The following CBX5 variants were observed in gnomAD, a reference collection of about 807,000 sequenced individuals.
The protein encoded by CBX5 is chromobox 5, also known as chromobox protein homolog 5.
In CBX5, 7 loss-of-function variants were observed where a neutral mutation model predicts 20.7. The ratio of observed to expected loss-of-function variants is 0.34; its 90% CI spans 0.19 to 0.63. The LOEUF (loss-of-function observed/expected upper bound fraction) is 0.63, where lower values mean the gene tolerates loss of function less well. Among genes scored for constraint, CBX5 ranks in the 30% least tolerant of loss-of-function variants. The pLI is 0.75. For synonymous variants in CBX5, 78 were observed against 77.0 expected (o/e 1.01, Z -0.07); for missense variants, 110 against 224.1 (o/e 0.49, Z 3.25).
At position 54,231,964 on chromosome 12, in the gene CBX5, G is replaced by A. The variant is rs1943573457; in HGVS notation, c.*9791C>T. 6.6e-6 allele frequency: 1 copy of A among 152,210 alleles called. No homozygotes were observed. The highest frequency in any genetic ancestry group is 6.5e-5 in the Admixed American group (1 of 15,280). The allele number at this position is 152,210 out of a possible 1,614,324, so 9.4% of individuals were successfully genotyped here. On this transcript the variant is annotated 3_prime_UTR_variant, in exon 5 of 5. Coordinates refer to ENST00000209875, the MANE Select transcript of CBX5 (RefSeq NM_012117.3). ...CCCAGCTGTCCTGGGATTGGTTGGG[G>A]AGTGGTAAGCAATGACATAAATCAA...
At position 54,242,308 on chromosome 12, in the gene CBX5, G is replaced by A. The variant is rs529460242; in HGVS notation, c.426-403C>T. On this transcript the variant is annotated intron_variant, in intron 4 of 4. Transcript: ENST00000209875. ...TGGGAGGCCGAGGCGGGTGGATCACGAGGTCAGGAGATCGAGACCATCCTG... is the reference window on the plus strand; with the variant it reads ...TGGGAGGCCGAGGCGGGTGGATCACAAGGTCAGGAGATCGAGACCATCCTG... Among the ~76,000 whole-genome samples, 133 of 151,466 alleles carry A rather than the reference G, an allele frequency of 8.8e-4. 1 individual carries two copies. Among genetic ancestry groups the A allele is most frequent in the African/African-American group, 3.0e-3 (122 of 41,250 alleles).
rs2137027004 is a variant in CBX5, at chr12:54,265,122, G to A, written c.-42-7430C>T. ...GAGTGGTTGCAGTTGGCCCAGACTT[G>A]CACGATTCCCACTTCTCCTTAAGGC... On this transcript the variant is annotated intron_variant, in intron 1 of 4. Transcript: ENST00000209875. Among the ~76,000 whole-genome samples, 3 of 152,304 alleles carry A rather than the reference G, an allele frequency of 2.0e-5. 1 individual carries two copies. Among genetic ancestry groups the A allele is most frequent in the Admixed American group, 2.0e-4 (3 of 15,296 alleles).
At chr12:54,271,237 C>A (rs572428050) in intron 1 of CBX5, among the ~76,000 whole-genome samples, 1 of 152,132 alleles carries the variant, frequency 6.6e-6, no homozygotes. Context: ...TCAAGTCTTC[C>A]GTTTCCTTAC....
intron 1 of CBX5, among the ~76,000 whole-genome samples, chr12:54,262,365 C>T (rs1943921484): frequency 6.6e-6 from 1 of 152,234 alleles, no homozygotes; most frequent in African/African-American, 2.4e-5. Flanking sequence ...CTCCTTTCCA[C>T]CCTTAAGAAC....
chr12:54,261,322 G>C (rs1217624029), intron 1 of CBX5, among the ~76,000 whole-genome samples: 2 of 151,224 alleles, frequency 1.3e-5, no homozygotes, highest in Non-Finnish European at 2.9e-5. Context: ...TTTTGAGACG[G>C]AGTCTCGCTC....
At chr12:54,246,025 G>A (rs1943732091) in intron 4 of CBX5, 90 bp downstream of exon 4, 1 of 852,276 alleles carries the variant, frequency 1.2e-6, no homozygotes, top group Non-Finnish European at 2.0e-6. Context: ...CATGGTTTGG[G>A]AATATGCAGT....
chr12:54,271,033 G>A (rs1944004355), intron 1 of CBX5, among the ~76,000 whole-genome samples: 1 of 152,204 alleles, frequency 6.6e-6, no homozygotes, highest in African/African-American at 2.4e-5. Context: ...TCCAGCTTGG[G>A]TGACAGAACA....
intron 1 of CBX5, among the ~76,000 whole-genome samples, chr12:54,261,946 C>T (rs1943918605): frequency 1.3e-5 from 2 of 152,266 alleles, no homozygotes; most frequent in Non-Finnish European, 2.9e-5. Flanking sequence ...AATACAACAG[C>T]AGAAGAAAAT....
At chr12:54,279,787 T>C (rs1448054794) in intron 1 of CBX5, among the ~76,000 whole-genome samples, 8 of 152,182 alleles carry the variant, frequency 5.3e-5, no homozygotes, top group African/African-American at 1.9e-4. Flanking sequence ...GCAGACCCAA[T>C]TGGCCTATAC....
At chr12:54,279,727 C>T (rs987154908) in intron 1 of CBX5, among the ~76,000 whole-genome samples, 9 of 152,204 alleles carry the variant, frequency 5.9e-5, no homozygotes, top group Non-Finnish European at 4.4e-5. Context: ...AGGGGAAAAC[C>T]CGTCTCCCAC....
intron 3 of CBX5, 143 bp from the exon 4 acceptor site, chr12:54,246,358 A>C (rs895653694): frequency 3.3e-6 from 2 of 613,784 alleles, no homozygotes; most frequent in Admixed American, 5.8e-5. Context: ...TTAGAACTTA[A>C]TACTAAGTAC....
In CBX5 at chr12:54,238,192, A is replaced by T. The variant is rs773812555; in HGVS notation, c.*3563T>A. ...TGACAGAGCGAGACTCTGTCTAAAA[A>T]AAATAAATAAATAATAGAGGTGAAT... is the stretch of plus-strand genomic sequence containing the variant. On this transcript the variant is annotated 3_prime_UTR_variant, in exon 5 of 5. Transcript: ENST00000209875. 2.6e-5 allele frequency: 4 copies of T among 152,232 alleles called. No homozygotes were observed. Among genetic ancestry groups the T allele is most frequent in the Non-Finnish European group, 4.4e-5 (3 of 68,052 alleles). The allele number at this position is 152,232 out of a possible 1,614,324, so 9.4% of individuals were successfully genotyped here.
chr12:54,276,108 C>T (rs112803844), intron 1 of CBX5, among the ~76,000 whole-genome samples: 6 of 151,810 alleles, frequency 4.0e-5, no homozygotes, highest in African/African-American at 1.2e-4. Context: ...CACTTGCACA[C>T]GACAGTAAAC....
At chr12:54,258,020 C>T (rs1360727321) in intron 1 of CBX5, 3 of 171,962 alleles carry the variant, frequency 1.7e-5, no homozygotes, top group African/African-American at 2.4e-5. Flanking sequence ...GGAACTCAAA[C>T]AGAAATGTGC....
At chr12:54,244,147 G>A (rs1274792817) in intron 4 of CBX5, among the ~76,000 whole-genome samples, 10 of 150,400 alleles carry the variant, frequency 6.6e-5, no homozygotes, top group African/African-American at 1.5e-4. Context: ...GACTACAGGC[G>A]CCTGCCACCA....
Position 54,249,329 on chromosome 12 carries a change from C to T in CBX5, c.324+2712G>A, listed in dbSNP as rs2137014860. 2.0e-5 allele frequency among the ~76,000 whole-genome samples: 3 copies of T among 150,406 alleles called. No individual in the cohort carries two copies. In the South Asian group the frequency reaches 6.3e-4, roughly 31 times the overall value. On this transcript the variant is annotated intron_variant, in intron 3 of 4. Coordinates refer to ENST00000209875, the MANE Select transcript of CBX5 (RefSeq NM_012117.3). ...AGGTTGCAGTGAGATTGTGCCACTG[C>T]ACTCCAGCCTGGGCAACAGAGTGAG... is the stretch of plus-strand genomic sequence containing the variant.
intron 1 of CBX5, among the ~76,000 whole-genome samples, chr12:54,279,695 G>A (rs1202799480): frequency 5.9e-5 from 9 of 152,108 alleles, no homozygotes; most frequent in Non-Finnish European, 1.5e-5. Context: ...CTGCTCACTG[G>A]CTCAGTGAGA....
Position 54,257,663 on chromosome 12 carries a change from TC to T in CBX5, c.-14del, listed in dbSNP as rs764062371. The stretch of plus-strand genomic sequence containing the variant: ...TTTTCTTTCCCATGTCGCACACCGT[TC>T]CACCTGAAAGACTAAGGCCACCAGG... On this transcript the variant is annotated 5_prime_UTR_variant, in exon 2 of 5. Transcript: ENST00000209875. 1 of 1,614,152 alleles carries T rather than the reference TC, an allele frequency of 6.2e-7. No homozygotes were observed. Among genetic ancestry groups the T allele is most frequent in the Non-Finnish European group, 8.5e-7 (1 of 1,179,990 alleles).
intron 3 of CBX5, 80 bp downstream of exon 3, chr12:54,251,961 C>A: frequency 1.5e-6 from 2 of 1,301,720 alleles, no homozygotes; most frequent in South Asian, 3.4e-5. Context: ...TAGAAATAAC[C>A]AAAATATGAT....
Sources: allele counts gnomAD v4.1 joint callset (sites outside exome capture counted in the v4.1 genomes callset), GRCh38; gene constraint gnomAD v4.1.1; transcripts MANE v1.5; gene names NCBI Gene and HGNC (gene_info 2026-07-23, HGNC 2026-07-21).